The following GPATCH8 variants were observed in gnomAD, a reference collection of about 807,000 sequenced individuals.
GPATCH8 encodes G-patch domain containing 8, also known as G patch domain-containing protein 8.
In GPATCH8, 18 loss-of-function variants were observed where a neutral mutation model predicts 118.3. The observed-to-expected ratio is 0.15, with a 90% CI of 0.11 to 0.23. The LOEUF is 0.23. GPATCH8 is among the 10% of genes least tolerant of loss of function. The pLI is 1.00. For synonymous variants in GPATCH8, 659 were observed against 684.7 expected (o/e 0.96, Z 0.59); for missense variants, 1,631 against 1,873.8 (o/e 0.87, Z 2.39).
At chr17:44,433,623 T>C (rs908822486) in intron 5 of GPATCH8, among the ~76,000 whole-genome samples, 1 of 152,148 alleles carries the variant, frequency 6.6e-6, no homozygotes, top group African/African-American at 2.4e-5. Flanking sequence ...AAGTGAAAGA[T>C]GATGAAACAT....
chr17:44,480,359 A>T (rs1322648672), intron 1 of GPATCH8, among the ~76,000 whole-genome samples: 1 of 152,122 alleles, frequency 6.6e-6, no homozygotes, highest in East Asian at 1.9e-4. Flanking sequence ...AGGCAGGAGA[A>T]TCACGAGGTC....
rs1414925567 is a variant in GPATCH8, at chr17:44,435,170, G to A, written c.262-19C>T. On this transcript the variant is annotated intron_variant, in intron 4 of 7. Transcript: ENST00000591680. ...AATCAAGCTTGACAAAAATAGATAT[G>A]ATTAGATTTAATTCCTAAAGTACCC... 6 of 1,159,864 alleles carry A rather than the reference G, an allele frequency of 5.2e-6. No homozygotes were observed. The Admixed American group carries it at 8.4e-5, about 16-fold the overall frequency. The allele number at this position is 1,159,864 out of a possible 1,614,324, so 71.8% of individuals were successfully genotyped here. A position where few individuals can be genotyped will look rare whatever the true frequency, so the allele number is the denominator to read the frequency against.
In GPATCH8 at chr17:44,406,719, T is replaced by C. The variant is rs545671155; in HGVS notation, c.493-668A>G. Among the ~76,000 whole-genome samples the C allele has an allele frequency of 1.8e-4, 27 of 152,226 alleles. No homozygotes were observed. The East Asian group carries it at 4.4e-3, about 25-fold the overall frequency. On this transcript the variant is annotated intron_variant, in intron 6 of 7. Transcript: ENST00000591680. ...GTATGTGAGGCTTTGCATTCCTTCATGGCCCTGAGAGGAATATCCAGGGGA... is the reference window on the plus strand; with the variant it reads ...GTATGTGAGGCTTTGCATTCCTTCACGGCCCTGAGAGGAATATCCAGGGGA...
At chr17:44,406,182 T>C in intron 6 of GPATCH8, 131 bp from the exon 7 acceptor site, 1 of 715,264 alleles carries the variant, frequency 1.4e-6, no homozygotes, top group Non-Finnish European at 2.5e-6. Context: ...TATCATATTC[T>C]CTTATGGCAA....
intron 1 of GPATCH8, among the ~76,000 whole-genome samples, chr17:44,494,463 G>C (rs990578679): frequency 6.6e-6 from 1 of 152,118 alleles, no homozygotes; most frequent in African/African-American, 2.4e-5. Flanking sequence ...ATGTTGGCAT[G>C]CACCTGTAAT....
At chr17:44,415,472 T>C (rs2049640899) in intron 6 of GPATCH8, among the ~76,000 whole-genome samples, 1 of 152,234 alleles carries the variant, frequency 6.6e-6, no homozygotes, top group African/African-American at 2.4e-5. Context: ...ATGTTGGCAT[T>C]CAAAAACTTT....
chr17:44,462,811 T>C (rs1446054349), intron 3 of GPATCH8, among the ~76,000 whole-genome samples: 1 of 151,506 alleles, frequency 6.6e-6, no homozygotes, highest in Non-Finnish European at 1.5e-5. Context: ...TGAAACCCCG[T>C]CTCTATAAAA....
chr17:44,434,206 A>T (rs2050418839), intron 5 of GPATCH8, among the ~76,000 whole-genome samples: 1 of 151,746 alleles, frequency 6.6e-6, no homozygotes, highest in Admixed American at 6.6e-5. Flanking sequence ...AGCAAATAGA[A>T]GTGTTTGGTG....
chr17:44,421,716 CTTTCTT>C (rs2049909690), intron 6 of GPATCH8, among the ~76,000 whole-genome samples: 1 of 137,840 alleles, frequency 7.3e-6, no homozygotes, highest in Non-Finnish European at 1.7e-5. Flanking sequence ...TGTAACCTTT[CTTTCTT>C]TTTCTTTTTT....
intron 6 of GPATCH8, among the ~76,000 whole-genome samples, chr17:44,413,636 G>A (rs1393664544): frequency 2.6e-5 from 4 of 151,814 alleles, no homozygotes; most frequent in Admixed American, 6.6e-5. Flanking sequence ...CCACCACACC[G>A]GGCTAATTTT....
intron 1 of GPATCH8, among the ~76,000 whole-genome samples, chr17:44,488,033 CT>C (rs138544179): frequency 0.5 from 73,777 of 148,780 alleles, 19,874 homozygotes; most frequent in Non-Finnish European, 0.61. Context: ...AGCGATTCTC[CT>C]GCCTCAGCCT....
At chr17:44,468,785 AT>A (rs1420949928) in intron 2 of GPATCH8, among the ~76,000 whole-genome samples, 1 of 151,976 alleles carries the variant, frequency 6.6e-6, no homozygotes, top group Non-Finnish European at 1.5e-5. Context: ...GCTGCTTATA[AT>A]TTTTTTCTTC....
intron 6 of GPATCH8, among the ~76,000 whole-genome samples, chr17:44,406,278 A>C (rs1301677287): frequency 6.6e-6 from 1 of 152,216 alleles, no homozygotes; most frequent in Non-Finnish European, 1.5e-5. Flanking sequence ...TTGCTTTATT[A>C]GGCAAAATAA....
intron 1 of GPATCH8, among the ~76,000 whole-genome samples, chr17:44,479,401 G>A (rs1053072443): frequency 2.0e-5 from 3 of 152,124 alleles, no homozygotes; most frequent in African/African-American, 7.2e-5. Context: ...TCTGTCAGAT[G>A]CAATACAAAT....
rs909149541 is a variant in GPATCH8, at chr17:44,396,406, G to A, written c.*1162C>T. 6 of 454,392 alleles carry A rather than the reference G, an allele frequency of 1.3e-5. No individual in the cohort carries two copies. The highest frequency in any genetic ancestry group is 1.2e-4 in the African/African-American group (6 of 50,092). 28.1% of individuals were successfully genotyped at this position (454,392 alleles called of 1,614,324 possible). ...GCCCCCAGCTGACTGCTGCCCATTA[G>A]CTCAAAAATCCCAATACTGGGGGCA... On this transcript the variant is annotated 3_prime_UTR_variant, in exon 8 of 8. Transcript: ENST00000591680.
chr17:44,427,873 A>C (rs529886990), intron 5 of GPATCH8, among the ~76,000 whole-genome samples: 1 of 152,212 alleles, frequency 6.6e-6, no homozygotes, highest in Non-Finnish European at 1.5e-5. Flanking sequence ...AATTTCATTA[A>C]GTTATAAAGG....
chr17:44,436,570 GTA>G, intron 3 of GPATCH8, 25 bp from the exon 4 acceptor site: 2 of 1,215,720 alleles, frequency 1.6e-6, no homozygotes, highest in Non-Finnish European at 2.5e-6. Context: ...CATAATCAAG[GTA>G]AGGTGCAAAG....
In GPATCH8 at chr17:44,400,752, G is replaced by C. The variant is rs757937797; in HGVS notation, c.1325C>G (p.Pro442Arg). The C allele has an allele frequency of 6.2e-7, 1 of 1,613,832 alleles. No individual in the cohort carries two copies. Among genetic ancestry groups the C allele is most frequent in the Non-Finnish European group, 8.5e-7 (1 of 1,179,800 alleles). ...PESKKGSSPK[P>R]KSCIKAAASQ... ...TGCTGCCGCCTTGATGCAGCTTTTA[G>C]GCTTGGGAGAACTGCCTTTTTTACT... is the stretch of plus-strand genomic sequence containing the variant. Residue 442 changes from proline to arginine, a missense_variant, in exon 8 of 8, where the codon CCT becomes CGT. Coordinates refer to ENST00000591680, the MANE Select transcript of GPATCH8 (RefSeq NM_001002909.4).
chr17:44,479,911 G>A (rs1330427481), intron 1 of GPATCH8, among the ~76,000 whole-genome samples: 1 of 151,076 alleles, frequency 6.6e-6, no homozygotes, highest in African/African-American at 2.4e-5. Flanking sequence ...AGGTTGCAGT[G>A]AGCCGAGACT....
Sources: allele counts gnomAD v4.1 joint callset (sites outside exome capture counted in the v4.1 genomes callset), GRCh38; gene constraint gnomAD v4.1.1; transcripts MANE v1.5; gene names NCBI Gene and HGNC (gene_info 2026-07-23, HGNC 2026-07-21).